The following TMCC2 variants were observed in gnomAD, a reference collection of about 807,000 sequenced individuals.
The protein encoded by TMCC2 is transmembrane and coiled-coil domains protein 2.
A neutral mutation model predicts 49.4 loss-of-function variants in TMCC2; 16 were observed. That is an observed-to-expected ratio of 0.32 (90% CI 0.22 to 0.49). The LOEUF (loss-of-function observed/expected upper bound fraction) is 0.49, where lower values mean the gene tolerates loss of function less well. Among genes scored for constraint, TMCC2 ranks in the 20% least tolerant of loss-of-function variants. TMCC2 has a pLI of 0.99. For missense variants in TMCC2, 762 were observed against 989.8 expected, an observed-to-expected ratio of 0.77 and a Z score of 3.09; for synonymous variants, 397 against 434.1, an observed-to-expected ratio of 0.91 and a Z score of 1.06.
In TMCC2 at chr1:205,266,791, C is replaced by T. The variant is rs116206460; in HGVS notation, c.748-2159C>T. Among the ~76,000 whole-genome samples the T allele has an allele frequency of 3.7e-3, 571 of 152,300 alleles. 8 individuals are homozygous for T. The highest frequency in any genetic ancestry group is 0.013 in the African/African-American group (556 of 41,556). On this transcript the variant is annotated intron_variant, in intron 2 of 4. Transcript: ENST00000358024. ...TAATGAGCACCTTCTGTATGCTTCG[C>T]ACTATGCCAGCTTGCCAGACGTCAT... is the stretch of plus-strand genomic sequence containing the variant.
At chr1:205,266,918 T>G (rs1447933928) in intron 2 of TMCC2, among the ~76,000 whole-genome samples, 1 of 152,226 alleles carries the variant, frequency 6.6e-6, no homozygotes, top group Admixed American at 6.5e-5. Flanking sequence ...GGCTTTTTGC[T>G]GTCACTGCAG....
chr1:205,242,572 A>T (rs1236445714), intron 2 of TMCC2, among the ~76,000 whole-genome samples: 4 of 152,242 alleles, frequency 2.6e-5, no homozygotes, highest in African/African-American at 9.6e-5. Flanking sequence ...TGGGAAGGAG[A>T]AAAGCTAGTT....
At chr1:205,232,463 A>T (rs913052522) in intron 1 of TMCC2, among the ~76,000 whole-genome samples, 1 of 152,132 alleles carries the variant, frequency 6.6e-6, no homozygotes, top group East Asian at 1.9e-4. Flanking sequence ...TTTGCTGCTA[A>T]CAGATTCCCT....
In TMCC2 at chr1:205,231,252, T is replaced by C. The variant is rs1454440732; in HGVS notation, c.207+2481T>C. Among the ~76,000 whole-genome samples, 4 of 152,050 alleles carry C rather than the reference T, an allele frequency of 2.6e-5. No individual in the cohort carries two copies. In the East Asian group the frequency reaches 7.7e-4, roughly 29 times the overall value. On this transcript the variant is annotated intron_variant, in intron 1 of 4. Transcript: ENST00000358024. ...GCAAATCACTCAACTTTTCCGAGCC[T>C]TTTTCTGGTGAAAGGGACTAGGAAT...
intron 2 of TMCC2, among the ~76,000 whole-genome samples, chr1:205,263,944 T>C (rs1046810654): frequency 3.9e-5 from 6 of 152,238 alleles, no homozygotes; most frequent in Non-Finnish European, 8.8e-5. Context: ...TATTCTAGGT[T>C]CTTTACTTAC....
intron 2 of TMCC2, among the ~76,000 whole-genome samples, chr1:205,242,274 G>T (rs1025782465): frequency 1.2e-4 from 18 of 152,186 alleles, no homozygotes; most frequent in Admixed American, 1.2e-3. Context: ...TTTCAAAATT[G>T]TGTTTTGCTC....
chr1:205,241,409 A>T lies in TMCC2; in HGVS notation c.208-96A>T. 1 of 1,293,182 alleles carries T rather than the reference A, an allele frequency of 7.7e-7. No homozygotes were observed. Among genetic ancestry groups the T allele is most frequent in the Non-Finnish European group, 1.1e-6 (1 of 934,404 alleles). 80.1% of individuals were successfully genotyped at this position (1,293,182 alleles called of 1,614,324 possible). A position where few individuals can be genotyped will look rare whatever the true frequency, so the allele number is the denominator to read the frequency against. ...TTCAGATGGCTGCATTAGCTATGCC[A>T]GTCTACCAAGGACAGACCCTTCACC... On this transcript the variant is annotated intron_variant, in intron 1 of 4. Transcript: ENST00000358024. The surrounding 1 kb of genome is among the most constrained non-coding windows in gnomAD (Gnocchi z 7.3).
At chr1:205,258,267 A>G (rs1660959363) in intron 2 of TMCC2, among the ~76,000 whole-genome samples, 1 of 152,082 alleles carries the variant, frequency 6.6e-6, no homozygotes, top group Admixed American at 6.6e-5. Flanking sequence ...CCCTTGTAGT[A>G]GAGCGAGATG....
At position 205,228,712 on chromosome 1, in the gene TMCC2, G is replaced by C. The variant is rs556554804; in HGVS notation, c.148G>C (p.Asp50His). Residue 50 changes from aspartate (D) to histidine (H), a missense_variant, in exon 1 of 5, where the codon GAC becomes CAC. Asp to His is a moderately conservative substitution (Grantham distance 81). Transcript: ENST00000358024. ...GANSAGGPTS[D>H]AGAAAAPNPG... The stretch of plus-strand genomic sequence containing the variant: ...TAACTCTGCTGGCGGGCCAACTTCA[G>C]ACGCCGGCGCTGCCGCGGCGCCCAA... 3 of 1,611,586 alleles carry C rather than the reference G, an allele frequency of 1.9e-6. No homozygotes were observed. Among genetic ancestry groups the C allele is most frequent in the Non-Finnish European group, 1.7e-6 (2 of 1,179,488 alleles).
At chr1:205,256,222 C>G in intron 2 of TMCC2, 2 of 1,494,202 alleles carry the variant, frequency 1.3e-6, no homozygotes, top group Non-Finnish European at 1.8e-6. Context: ...GAATCCATGT[C>G]TTTCTGAACG....
intron 2 of TMCC2, among the ~76,000 whole-genome samples, chr1:205,247,816 C>T (rs1334261660): frequency 6.6e-6 from 1 of 152,196 alleles, no homozygotes; most frequent in African/African-American, 2.4e-5. Flanking sequence ...ACCAGAGCAG[C>T]CCTGGCAGGG....
At chr1:205,253,331 G>A (rs1426590426) in intron 2 of TMCC2, among the ~76,000 whole-genome samples, 1 of 152,234 alleles carries the variant, frequency 6.6e-6, no homozygotes, top group African/African-American at 2.4e-5. Flanking sequence ...GGGGAACCCA[G>A]TAAAAGGGCT....
rs1252620475 is a variant in TMCC2, at chr1:205,268,998, G to A, written c.796G>A (p.Asp266Asn). ...CCTGAGCCTCCCCGCCGGCCATGGT[G>A]ACACCGACGGCCCCATCAGCCTGGA... is the stretch of plus-strand genomic sequence containing the variant. The part of the protein sequence containing the change: ...VALSLPAGHG[D>N]TDGPISLDVP... Residue 266 changes from aspartate (D) to asparagine (N), a missense_variant, in exon 3 of 5, where the codon GAC (aspartate) becomes AAC (asparagine). Around this residue, in one of 2 missense-constraint regions of TMCC2, gnomAD observed 440 missense variants for 636.7 expected, o/e 0.69. Coordinates refer to ENST00000358024, the MANE Select transcript of TMCC2 (RefSeq NM_014858.4). 3.7e-6 allele frequency: 6 copies of A among 1,613,272 alleles called. No homozygotes were observed. The highest frequency in any genetic ancestry group is 5.1e-6 in the Non-Finnish European group (6 of 1,179,976).
intron 2 of TMCC2, among the ~76,000 whole-genome samples, chr1:205,253,424 G>A (rs896579793): frequency 1.3e-5 from 2 of 152,164 alleles, no homozygotes; most frequent in Non-Finnish European, 2.9e-5. Context: ...GATGACAAGA[G>A]CCTATCTGTC....
chr1:205,234,472 A>T (rs947426956), intron 1 of TMCC2, among the ~76,000 whole-genome samples: 1 of 152,074 alleles, frequency 6.6e-6, no homozygotes, highest in Non-Finnish European at 1.5e-5. Context: ...ACAAACAAAC[A>T]AAAAGGAAAT....
intron 2 of TMCC2, among the ~76,000 whole-genome samples, chr1:205,252,103 G>A (rs1003717035): frequency 2.0e-4 from 31 of 152,276 alleles, no homozygotes; most frequent in Non-Finnish European, 3.8e-4. Flanking sequence ...GAAATCATCC[G>A]TCTTTCCTAC....
At chr1:205,236,945 C>T (rs1660075233) in intron 1 of TMCC2, 1 of 151,976 alleles carries the variant, frequency 6.6e-6, no homozygotes, top group African/African-American at 2.4e-5. Flanking sequence ...TGCTTTGGCT[C>T]CAGGCTGAAT....
intron 3 of TMCC2, 31 bp downstream of exon 3, chr1:205,269,915 C>T (rs1661512881): frequency 1.3e-6 from 2 of 1,589,082 alleles, no homozygotes; most frequent in East Asian, 4.5e-5. Context: ...TCCTGCAGCC[C>T]AGCCGGACGT....
intron 2 of TMCC2, among the ~76,000 whole-genome samples, chr1:205,243,990 G>A (rs1482631995): frequency 6.6e-6 from 1 of 152,262 alleles, no homozygotes; most frequent in Non-Finnish European, 1.5e-5. Flanking sequence ...AGGAAAATGA[G>A]CTTGAAGGAG....
Sources: gnomAD v4.1 joint callset for allele counts (sites outside exome capture counted in the v4.1 genomes callset) on GRCh38, gnomAD v4.1.1 for gene constraint, gnomAD v4.1.1 regional missense constraint, Gnocchi (gnomAD v3.1) non-coding constraint, MANE v1.5 for transcripts, NCBI Gene and HGNC (gene_info 2026-07-23, HGNC 2026-07-21) for gene names.